The following ZFHX3 variants were observed in gnomAD, a reference collection of about 807,000 sequenced individuals.
The protein encoded by ZFHX3 is zinc finger homeobox protein 3.
In ZFHX3, 42 loss-of-function variants were observed where a neutral mutation model predicts 279.1. The ratio of observed to expected loss-of-function variants is 0.15; its 90% CI spans 0.12 to 0.19. ZFHX3 has a LOEUF of 0.19. Ranked by LOEUF, ZFHX3 falls within the 10% of genes least tolerant of loss-of-function variation. The pLI, the probability that ZFHX3 is intolerant of heterozygous loss-of-function variation, is 1.00. For synonymous variants in ZFHX3, 2,293 were observed against 1,957.8 expected (o/e 1.17, Z -4.52); for missense variants, 4,981 against 4,754.0 (o/e 1.05, Z -1.40).
intron 3 of ZFHX3, among the ~76,000 whole-genome samples, chr16:73,384,384 A>G (rs992852428): frequency 6.6e-6 from 1 of 152,236 alleles, no homozygotes; most frequent in African/African-American, 2.4e-5. Flanking sequence ...AACGTCCTGG[A>G]TTTAGCAGGT....
intron 5 of ZFHX3, among the ~76,000 whole-genome samples, chr16:73,211,546 G>A (rs993173703): frequency 6.6e-6 from 1 of 152,072 alleles, no homozygotes; most frequent in African/African-American, 2.4e-5. Context: ...ACTAATGAAG[G>A]CATCCTGCTA....
intron 5 of ZFHX3, among the ~76,000 whole-genome samples, chr16:73,187,676 G>A (rs1420258910): frequency 6.6e-6 from 1 of 152,168 alleles, no homozygotes; most frequent in East Asian, 1.9e-4. Context: ...TGGAGCAGGC[G>A]AGTCTCTTTG....
intron 3 of ZFHX3, among the ~76,000 whole-genome samples, chr16:73,421,738 C>T (rs2017722340): frequency 6.6e-6 from 1 of 152,094 alleles, no homozygotes. Flanking sequence ...GATGGATGGG[C>T]CACCCTAGTT....
chr16:73,867,491 C>A (rs1962055628), intron 1 of ZFHX3, among the ~76,000 whole-genome samples: 1 of 152,230 alleles, frequency 6.6e-6, no homozygotes, highest in Non-Finnish European at 1.5e-5. Flanking sequence ...GAGTCAATCA[C>A]AATCTCAGAC....
At chr16:73,041,071 G>C (rs941516123) in intron 1 of ZFHX3, among the ~76,000 whole-genome samples, 3 of 152,120 alleles carry the variant, frequency 2.0e-5, no homozygotes, top group African/African-American at 7.2e-5. Flanking sequence ...ATTCACTGTT[G>C]AGTCCCCATT....
intron 1 of ZFHX3, among the ~76,000 whole-genome samples, chr16:73,874,253 T>TA (rs1334951198): frequency 2.0e-5 from 3 of 152,126 alleles, no homozygotes; most frequent in African/African-American, 7.2e-5. Context: ...CTTCAAACGG[T>TA]AAAAATTTAT....
At chr16:73,763,680 A>T (rs2053896479) in intron 1 of ZFHX3, among the ~76,000 whole-genome samples, 1 of 152,152 alleles carries the variant, frequency 6.6e-6, no homozygotes. Flanking sequence ...TCTTATTAAC[A>T]GAATATAGCA....
chr16:72,911,388 A>C (rs2039312038), intron 3 of ZFHX3, among the ~76,000 whole-genome samples: 1 of 152,254 alleles, frequency 6.6e-6, no homozygotes, highest in African/African-American at 2.4e-5. Context: ...GCATGAATGA[A>C]GCGCTCAGTG....
intron 3 of ZFHX3, among the ~76,000 whole-genome samples, chr16:73,371,916 T>A (rs962892188): frequency 1.3e-5 from 2 of 152,238 alleles, no homozygotes. Flanking sequence ...TCAGTGGCTA[T>A]GAGCCCCCTT....
chr16:73,025,589 C>T (rs1160965315), intron 1 of ZFHX3, among the ~76,000 whole-genome samples: 1 of 152,160 alleles, frequency 6.6e-6, no homozygotes, highest in African/African-American at 2.4e-5. Context: ...AGCCCATTAG[C>T]TTTGGGCTGG....
chr16:73,405,997 G>C (rs2017352001), intron 3 of ZFHX3, among the ~76,000 whole-genome samples: 1 of 152,250 alleles, frequency 6.6e-6, no homozygotes, highest in African/African-American at 2.4e-5. Flanking sequence ...TGGTTTCCAA[G>C]CAGCATCAGC....
chr16:73,240,207 C>T (rs1397792478), intron 5 of ZFHX3, among the ~76,000 whole-genome samples: 3 of 151,292 alleles, frequency 2.0e-5, no homozygotes, highest in Non-Finnish European at 2.9e-5. Flanking sequence ...TTGCATCATG[C>T]TTGCAGGGTA....
chr16:73,371,466 C>A (rs11866106), intron 3 of ZFHX3, among the ~76,000 whole-genome samples: 4,981 of 151,798 alleles, frequency 0.033, 269 homozygotes, highest in African/African-American at 0.11. Context: ...CTCGCTGCAA[C>A]CTCCACTTCC....
chr16:73,071,476 T>TGCTGCTGCTGCTGCCGCC (rs545979933), intron 8 of ZFHX3, among the ~76,000 whole-genome samples: 14 of 151,172 alleles, frequency 9.3e-5, no homozygotes, highest in African/African-American at 3.2e-4. Flanking sequence ...CTGCTGCTGC[T>TGCTGCTGCTGCTGCCGCC]GCCGCCGCCG....
At chr16:73,280,225 G>A (rs982132888) in intron 4 of ZFHX3, among the ~76,000 whole-genome samples, 19 of 152,080 alleles carry the variant, frequency 1.2e-4, no homozygotes, top group South Asian at 2.1e-4. Context: ...CAAAAATACC[G>A]GCAACAAAAG....
intron 4 of ZFHX3, among the ~76,000 whole-genome samples, chr16:72,834,268 C>G (rs2037131181): frequency 6.6e-6 from 1 of 152,092 alleles, no homozygotes; most frequent in Non-Finnish European, 1.5e-5. Flanking sequence ...CAAAACAAAA[C>G]TCTTTCCATC....
chr16:72,984,918 A>C (rs1245837312), intron 1 of ZFHX3, among the ~76,000 whole-genome samples: 2 of 152,200 alleles, frequency 1.3e-5, no homozygotes, highest in Non-Finnish European at 2.9e-5. Flanking sequence ...TATTTATATA[A>C]ATATGCATAT....
chr16:73,508,704 C>A (rs2019370602), intron 2 of ZFHX3, among the ~76,000 whole-genome samples: 1 of 152,188 alleles, frequency 6.6e-6, no homozygotes, highest in Admixed American at 6.5e-5. Flanking sequence ...ATAGTACACA[C>A]TGGAAATATG....
intron 6 of ZFHX3, chr16:73,137,252 C>G (rs1343745910): frequency 6.6e-6 from 1 of 152,150 alleles, no homozygotes; most frequent in Non-Finnish European, 1.5e-5. Context: ...TCACCTACCC[C>G]TTTCTTTTTC....
Sources: allele counts gnomAD v4.1 joint callset (sites outside exome capture counted in the v4.1 genomes callset), GRCh38; gene constraint gnomAD v4.1.1; transcripts MANE v1.5; gene names NCBI Gene and HGNC (gene_info 2026-07-23, HGNC 2026-07-21).